Variants in PCDH9 observed in about 807,000 individuals in gnomAD.
The protein encoded by PCDH9 is protocadherin-9.
In PCDH9, 24 loss-of-function variants were observed where a neutral mutation model predicts 70.6. That is an observed-to-expected ratio of 0.34 (90% CI 0.25 to 0.48). PCDH9 has a LOEUF of 0.48. Among genes scored for constraint, PCDH9 ranks in the 20% least tolerant of loss-of-function variants. The probability of loss-of-function intolerance (pLI) is 0.99; values close to 1 mark genes in which losing one functional copy is unlikely to be tolerated. For missense variants in PCDH9, 1,281 were observed against 1,503.6 expected (o/e 0.85, Z 2.45); for synonymous variants, 562 against 558.5 (o/e 1.01, Z -0.09).
chr13:66,689,288 A>G (rs1316464751), intron 3 of PCDH9, among the ~76,000 whole-genome samples: 1 of 152,168 alleles, frequency 6.6e-6, no homozygotes, highest in East Asian at 1.9e-4. Flanking sequence ...AGGCATGGCT[A>G]AAGTTGTCCC....
chr13:66,993,201 C>T (rs1219918840), intron 2 of PCDH9, among the ~76,000 whole-genome samples: 2 of 151,816 alleles, frequency 1.3e-5, no homozygotes, highest in Admixed American at 1.3e-4. Flanking sequence ...TACATAGTCA[C>T]CATTTATGAA....
chr13:67,227,869 T>C lies in PCDH9; in HGVS notation c.572A>G (p.Asp191Gly). 6.2e-7 allele frequency: 1 copy of C among 1,614,036 alleles called. No individual in the cohort carries two copies. The change falls in exon 2 of 5, where the codon GAT becomes GGT. Residue 191 changes from aspartate to glycine, a missense_variant. By Grantham distance (94) the Asp-to-Gly change is moderately conservative. Transcript: ENST00000377865. This position sits in a 1 kb window ranked among gnomAD's most constrained non-coding sequence, Gnocchi z 4.6. Reference protein sequence around the residue: ...LLNGQSVFGLDIVETPEGEKW... With the variant: ...LLNGQSVFGLGIVETPEGEKW... ...CTCTCCCTCTGGAGTTTCCACGATA[T>C]CCAGTCCAAAAACACTCTGCCCATT...
intron 3 of PCDH9, among the ~76,000 whole-genome samples, chr13:66,822,232 T>C (rs2080725165): frequency 1.3e-5 from 2 of 152,112 alleles, no homozygotes; most frequent in Admixed American, 1.3e-4. Context: ...GTTTCATGTA[T>C]TTATTTGTTC....
intron 2 of PCDH9, among the ~76,000 whole-genome samples, chr13:67,161,651 A>G (rs1156843650): frequency 2.6e-5 from 4 of 152,210 alleles, no homozygotes; most frequent in Admixed American, 2.6e-4. Flanking sequence ...TGTTGACCGT[A>G]GAATGTACCA....
At chr13:66,315,679 C>G (rs988962895) in intron 4 of PCDH9, among the ~76,000 whole-genome samples, 4 of 152,126 alleles carry the variant, frequency 2.6e-5, no homozygotes, top group Non-Finnish European at 5.9e-5. Flanking sequence ...CGGGGTTTCT[C>G]CTTGTTGGTC....
intron 4 of PCDH9, among the ~76,000 whole-genome samples, chr13:66,417,752 G>C (rs1000514637): frequency 2.0e-5 from 3 of 152,166 alleles, no homozygotes; most frequent in Non-Finnish European, 2.9e-5. Context: ...TTTCTCTAAT[G>C]ACCAGTGATG....
At chr13:66,562,185 A>T (rs1486680075) in intron 4 of PCDH9, among the ~76,000 whole-genome samples, 3 of 152,096 alleles carry the variant, frequency 2.0e-5, no homozygotes, top group African/African-American at 7.2e-5. Context: ...GTTAAGCATA[A>T]AATATATTTA....
intron 4 of PCDH9, among the ~76,000 whole-genome samples, chr13:66,406,875 A>G (rs1393007651): frequency 1.3e-5 from 2 of 152,192 alleles, no homozygotes; most frequent in African/African-American, 4.8e-5. Context: ...TTCATCTGAT[A>G]TCATCAATTT....
chr13:67,181,351 T>C (rs1036728249), intron 2 of PCDH9, among the ~76,000 whole-genome samples: 39 of 152,236 alleles, frequency 2.6e-4, no homozygotes, highest in African/African-American at 8.2e-4. Context: ...TAGGAAATCA[T>C]TGGTGTCATT....
chr13:67,224,849 A>C, intron 2 of PCDH9: 9 of 953,138 alleles, frequency 9.4e-6, no homozygotes, highest in Non-Finnish European at 1.1e-5. Flanking sequence ...AAGACTTCCT[A>C]TATGGCTTAG....
At chr13:66,433,069 A>C (rs1462978005) in intron 4 of PCDH9, among the ~76,000 whole-genome samples, 1 of 151,970 alleles carries the variant, frequency 6.6e-6, no homozygotes, top group Non-Finnish European at 1.5e-5. Flanking sequence ...TATTGTTCTT[A>C]TTAATCTGTG....
chr13:67,093,470 T>C (rs1290652861), intron 2 of PCDH9, among the ~76,000 whole-genome samples: 1 of 151,910 alleles, frequency 6.6e-6, no homozygotes, highest in African/African-American at 2.4e-5. Flanking sequence ...ATAATAATAA[T>C]AAGTAAATAA....
intron 2 of PCDH9, among the ~76,000 whole-genome samples, chr13:67,008,445 C>A (rs1019201192): frequency 6.6e-6 from 1 of 152,010 alleles, no homozygotes; most frequent in Non-Finnish European, 1.5e-5. Flanking sequence ...TATTGTTATT[C>A]GGGAAATATG....
intron 4 of PCDH9, among the ~76,000 whole-genome samples, chr13:66,439,073 TTG>T (rs1957929050): frequency 6.6e-6 from 1 of 152,174 alleles, no homozygotes; most frequent in South Asian, 2.1e-4. Flanking sequence ...TGTACAAAAA[TTG>T]TGACTCAGAA....
chr13:66,840,209 T>C (rs1998607), intron 3 of PCDH9, among the ~76,000 whole-genome samples: 83,985 of 151,980 alleles, frequency 0.55, 24,755 homozygotes, highest in South Asian at 0.67. Context: ...ACTGAATATA[T>C]CCTCTAATAT....
At chr13:66,738,188 AC>A (rs1487858493) in intron 3 of PCDH9, among the ~76,000 whole-genome samples, 5 of 151,850 alleles carry the variant, frequency 3.3e-5, no homozygotes, top group African/African-American at 4.8e-5. Context: ...CTGACCCCTG[AC>A]CCCCGAGCAG....
rs575139838 is a variant in PCDH9, at chr13:66,937,235, T to G, written c.3037-33630A>C. Reference sequence around the variant, plus strand: ...GAGAGCCCTACGGGATTGGTTTTATTAACCTATGATTTAGGTAACAACTTT... The same window carrying G: ...GAGAGCCCTACGGGATTGGTTTTATGAACCTATGATTTAGGTAACAACTTT... On this transcript the variant is annotated intron_variant, in intron 2 of 4. Coordinates refer to ENST00000377865, the MANE Select transcript of PCDH9 (RefSeq NM_203487.3). Among the ~76,000 whole-genome samples the G allele has an allele frequency of 2.0e-5, 3 of 152,334 alleles. No homozygotes were observed. The East Asian group carries it at 5.8e-4, about 29-fold the overall frequency.
At chr13:66,349,350 A>G (rs1220302053) in intron 4 of PCDH9, among the ~76,000 whole-genome samples, 2 of 152,178 alleles carry the variant, frequency 1.3e-5, no homozygotes, top group Non-Finnish European at 2.9e-5. Flanking sequence ...GGTTTCTATT[A>G]TCTCCTTGAT....
chr13:66,666,232 G>A lies in PCDH9; in HGVS notation c.3139-34821C>T, dbSNP rs532465027. Among the ~76,000 whole-genome samples the A allele has an allele frequency of 3.3e-5, 5 of 152,154 alleles. No homozygotes were observed. The East Asian group carries it at 9.6e-4, about 29-fold the overall frequency. On this transcript the variant is annotated intron_variant, in intron 3 of 4. Transcript: ENST00000377865. Reference sequence around the variant, plus strand: ...CAAACGTGGAGCAGGCTTTTCGCTGGAGTAGAGAGGTGATGCCAGCAGACC... The same window carrying A: ...CAAACGTGGAGCAGGCTTTTCGCTGAAGTAGAGAGGTGATGCCAGCAGACC...
Sources: gnomAD v4.1 joint callset for allele counts (sites outside exome capture counted in the v4.1 genomes callset) on GRCh38, gnomAD v4.1.1 for gene constraint, Gnocchi (gnomAD v3.1) non-coding constraint, MANE v1.5 for transcripts, NCBI Gene and HGNC (gene_info 2026-07-23, HGNC 2026-07-21) for gene names.